Variants in DAAM2 observed in about 807,000 individuals in gnomAD.
DAAM2 encodes the protein dishevelled associated activator of morphogenesis 2.
Under a neutral mutation model 120.7 loss-of-function variants are expected in DAAM2, and 39 were observed. That is an observed-to-expected ratio of 0.32 (90% CI 0.25 to 0.42). The LOEUF (loss-of-function observed/expected upper bound fraction) is 0.42, where lower values mean the gene tolerates loss of function less well. DAAM2 is among the 10% of genes least tolerant of loss of function. The pLI is 1.00. For missense variants in DAAM2, 1,283 were observed against 1,401.7 expected, an observed-to-expected ratio of 0.92 and a Z score of 1.35; for synonymous variants, 488 against 524.9, an observed-to-expected ratio of 0.93 and a Z score of 0.96.
intron 5 of DAAM2, among the ~76,000 whole-genome samples, chr6:39,866,035 C>T (rs1764416623): frequency 6.6e-6 from 1 of 152,232 alleles, no homozygotes; most frequent in Admixed American, 6.5e-5. Context: ...CTTCACCCTT[C>T]CCCTGGCGAA....
intron 5 of DAAM2, among the ~76,000 whole-genome samples, chr6:39,866,300 C>T (rs1764429153): frequency 6.6e-6 from 1 of 152,090 alleles, no homozygotes; most frequent in Non-Finnish European, 1.5e-5. Flanking sequence ...ATTCTGCTAA[C>T]AAAAGTTACA....
chr6:39,902,065 G>T lies in DAAM2; in HGVS notation c.*28G>T, dbSNP rs755570718. The T allele has an allele frequency of 1.9e-6, 3 of 1,559,470 alleles. No homozygotes were observed. The highest frequency in any genetic ancestry group is 1.2e-5 in the South Asian group (1 of 85,224). On this transcript the variant is annotated 3_prime_UTR_variant, in exon 25 of 25. Transcript: ENST00000274867. ...TGGGGAACTAGCCACACAGGAGGCCGGGAGACAGGGACTGGTGAGAATGGG... is the reference window on the plus strand; with the variant it reads ...TGGGGAACTAGCCACACAGGAGGCCTGGAGACAGGGACTGGTGAGAATGGG...
chr6:39,833,520 C>G (rs943003057), intron 1 of DAAM2, among the ~76,000 whole-genome samples: 1 of 152,156 alleles, frequency 6.6e-6, no homozygotes, highest in South Asian at 2.1e-4. Flanking sequence ...GTTGGCCAGG[C>G]TGGTCTCGAA....
chr6:39,794,849 C>T (rs1224578682), intron 1 of DAAM2, among the ~76,000 whole-genome samples: 1 of 152,130 alleles, frequency 6.6e-6, no homozygotes. Context: ...TTTAAATGTT[C>T]TCATTCATTT....
chr6:39,850,019 T>C (rs904708894), intron 1 of DAAM2, among the ~76,000 whole-genome samples: 31 of 144,284 alleles, frequency 2.1e-4, no homozygotes, highest in African/African-American at 9.0e-4. Context: ...TGGGAAGCTC[T>C]GAGCCCCATT....
intron 1 of DAAM2, among the ~76,000 whole-genome samples, chr6:39,805,105 A>G (rs1761971421): frequency 6.6e-6 from 1 of 152,330 alleles, no homozygotes; most frequent in Admixed American, 6.5e-5. Flanking sequence ...AGGATAATTA[A>G]TTTCTTATTA....
At chr6:39,839,322 C>T (rs1286852014) in intron 1 of DAAM2, among the ~76,000 whole-genome samples, 1 of 152,160 alleles carries the variant, frequency 6.6e-6, no homozygotes, top group Admixed American at 6.5e-5. Context: ...GTAGGTCTTC[C>T]CCCCAGATCT....
chr6:39,833,035 C>T, intron 1 of DAAM2, among the ~76,000 whole-genome samples: 1 of 152,090 alleles, frequency 6.6e-6, no homozygotes, highest in East Asian at 1.9e-4. Flanking sequence ...TGTTGCCAGC[C>T]ATGTTTGCTC....
chr6:39,856,520 G>C, intron 2 of DAAM2, 50 bp downstream of exon 2: 1 of 1,351,866 alleles, frequency 7.4e-7, no homozygotes, highest in Non-Finnish European at 9.7e-7. Context: ...GAGGGTGGAT[G>C]GAGAGGCAGA....
rs554744388 is a variant in DAAM2 at position 39,810,733 on chromosome 6, G to A, written c.-57+18268G>A. Among the ~76,000 whole-genome samples, 6 of 152,198 alleles carry A rather than the reference G, an allele frequency of 3.9e-5. No homozygotes were observed. The East Asian group carries it at 9.7e-4, about 24-fold the overall frequency. ...ATGAGGCTGAAGTTAGACCTCACCC[G>A]AAACCACATTCTTTCCCAGATCCCT... On this transcript the variant is annotated intron_variant, in intron 1 of 24. Transcript: ENST00000274867.
intron 15 of DAAM2, chr6:39,886,157 G>A (rs1017543173): frequency 5.2e-5 from 19 of 366,354 alleles, no homozygotes; most frequent in Non-Finnish European, 9.2e-5. Context: ...CCCTAACTGG[G>A]GAGTGGTGGT....
Position 39,901,832 on chromosome 6 carries a change from G to A in DAAM2, c.3002G>A (p.Arg1001His), listed in dbSNP as rs762348565. Reference protein sequence around the residue: ...MEAMLKEQRERERWQRQRKVL... With the variant: ...MEAMLKEQREHERWQRQRKVL... ...CCGCAGCTGAAGGAGCAGAGGGAAC[G>A]TGAGCGGTGGCAGCGGCAGCGGAAG... The change falls in exon 25 of 25, where the codon CGT (arginine) becomes CAT (histidine). Residue 1001 changes from arginine (R) to histidine (H), a missense_variant. This residue lies in a region of DAAM2 where 748 missense variants were observed against 768.6 expected (regional missense o/e 0.97). Transcript: ENST00000274867. The surrounding 1 kb of genome is among the most constrained non-coding windows in gnomAD (Gnocchi z 4.5). 62 of 1,557,272 alleles carry A rather than the reference G, an allele frequency of 4.0e-5. No homozygotes were observed. In the South Asian group the frequency reaches 6.5e-4, roughly 16 times the overall value.
chr6:39,810,317 T>C (rs1228030077), intron 1 of DAAM2, among the ~76,000 whole-genome samples: 1 of 152,242 alleles, frequency 6.6e-6, no homozygotes, highest in Admixed American at 6.5e-5. Context: ...TCAAACCTTG[T>C]TTCTCTCTTC....
intron 17 of DAAM2, 158 bp from the exon 18 acceptor site, chr6:39,891,183 C>A (rs896431370): frequency 6.9e-6 from 4 of 581,464 alleles, no homozygotes; most frequent in Non-Finnish European, 1.2e-5. Flanking sequence ...CCCTGTCATC[C>A]CCTTCAGGCA....
intron 8 of DAAM2, among the ~76,000 whole-genome samples, chr6:39,870,849 C>T (rs78247299): frequency 0.067 from 10,251 of 152,258 alleles, 991 homozygotes; most frequent in African/African-American, 0.2. Flanking sequence ...CTTGCTATAA[C>T]GCCCTTGTTG....
chr6:39,895,268 C>T (rs1005338442), intron 19 of DAAM2, among the ~76,000 whole-genome samples: 2 of 111,908 alleles, frequency 1.8e-5, no homozygotes, highest in African/African-American at 6.8e-5. Flanking sequence ...CGGAGCCTCA[C>T]TCTGTCGCCC....
rs956859062 is a variant in DAAM2, at chr6:39,898,848, C to G, written c.2619-29C>G. The G allele has an allele frequency of 2.5e-6, 4 of 1,595,898 alleles. No individual in the cohort carries two copies. In the African/African-American group the frequency reaches 5.4e-5, roughly 21 times the overall value. On this transcript the variant is annotated intron_variant, in intron 21 of 24. Coordinates refer to ENST00000274867, the MANE Select transcript of DAAM2 (RefSeq NM_001201427.2). ...CCTCAAGGCGGGAGTTGATGGTCCT[C>G]ATTCCCTTCCCTCTGTGTCTCCTTA...
chr6:39,826,074 A>G (rs565083232), intron 1 of DAAM2, among the ~76,000 whole-genome samples: 1 of 152,264 alleles, frequency 6.6e-6, no homozygotes, highest in Admixed American at 6.5e-5. Context: ...TCCCCATTGG[A>G]CATGTGTCTT....
chr6:39,842,902 C>A (rs566053612), intron 1 of DAAM2, among the ~76,000 whole-genome samples: 5 of 151,832 alleles, frequency 3.3e-5, no homozygotes, highest in Non-Finnish European at 7.4e-5. Context: ...GCATGTGGAA[C>A]GAGCAAGTCT....
Sources: gnomAD v4.1 joint callset for allele counts (sites outside exome capture counted in the v4.1 genomes callset) on GRCh38, gnomAD v4.1.1 for gene constraint, gnomAD v4.1.1 regional missense constraint, Gnocchi (gnomAD v3.1) non-coding constraint, MANE v1.5 for transcripts, NCBI Gene and HGNC (gene_info 2026-07-23, HGNC 2026-07-21) for gene names.